The following HIVEP3 variants were observed in gnomAD, a reference collection of about 807,000 sequenced individuals.
The protein encoded by HIVEP3 is transcription factor HIVEP3.
In HIVEP3, 49 loss-of-function variants were observed where a neutral mutation model predicts 152.8. The ratio of observed to expected loss-of-function variants is 0.32; its 90% CI spans 0.26 to 0.41. The LOEUF (loss-of-function observed/expected upper bound fraction) is 0.41, where lower values mean the gene tolerates loss of function less well. Ranked by LOEUF, HIVEP3 falls within the 10% of genes least tolerant of loss-of-function variation. The pLI is 1.00. For synonymous variants in HIVEP3, 1,269 were observed against 1,289.0 expected (o/e 0.98, Z 0.33); for missense variants, 2,790 against 3,103.3 (o/e 0.90, Z 2.40).
chr1:41,947,748 G>A (rs1482818637), intron 1 of HIVEP3, among the ~76,000 whole-genome samples: 1 of 152,210 alleles, frequency 6.6e-6, no homozygotes, highest in Non-Finnish European at 1.5e-5. Flanking sequence ...GCAACCCATG[G>A]CATACCTGAG....
intron 1 of HIVEP3, among the ~76,000 whole-genome samples, chr1:41,999,352 T>C (rs1645414059): frequency 1.3e-5 from 2 of 152,080 alleles, no homozygotes. Flanking sequence ...CAATTAGAAT[T>C]GGAGAAAAGA....
At chr1:41,791,507 G>A (rs548144215) in intron 1 of HIVEP3, among the ~76,000 whole-genome samples, 2 of 152,122 alleles carry the variant, frequency 1.3e-5, no homozygotes, top group Non-Finnish European at 2.9e-5. Flanking sequence ...ATATATAATG[G>A]ATGTGATGGC....
At chr1:41,964,306 C>A (rs1570850391) in intron 1 of HIVEP3, among the ~76,000 whole-genome samples, 1 of 152,334 alleles carries the variant, frequency 6.6e-6, no homozygotes, top group South Asian at 2.1e-4. Flanking sequence ...CTGGGAGCCA[C>A]ACGGGGAAAG....
chr1:41,672,538 A>C (rs960287315), intron 2 of HIVEP3, among the ~76,000 whole-genome samples: 1 of 152,178 alleles, frequency 6.6e-6, no homozygotes, highest in Non-Finnish European at 1.5e-5. Context: ...CTTTCTACAC[A>C]TCACCTTGCT....
chr1:41,770,174 C>T (rs575035041), intron 1 of HIVEP3, among the ~76,000 whole-genome samples: 95 of 152,128 alleles, frequency 6.2e-4, no homozygotes, highest in Non-Finnish European at 1.0e-3. Flanking sequence ...GGGGTTTCAC[C>T]ATGTTAGCCA....
chr1:41,547,725 T>C (rs1176883913), intron 5 of HIVEP3, among the ~76,000 whole-genome samples: 1 of 152,228 alleles, frequency 6.6e-6, no homozygotes, highest in East Asian at 1.9e-4. Context: ...ATTTATAATT[T>C]ACAATAATTG....
At chr1:41,792,011 C>A (rs764261481) in intron 1 of HIVEP3, among the ~76,000 whole-genome samples, 1 of 152,174 alleles carries the variant, frequency 6.6e-6, no homozygotes, top group African/African-American at 2.4e-5. Flanking sequence ...TTTCCAGATG[C>A]ACTCTCTATA....
chr1:41,736,432 C>T (rs977092585), intron 1 of HIVEP3, among the ~76,000 whole-genome samples: 4 of 152,166 alleles, frequency 2.6e-5, no homozygotes, highest in African/African-American at 4.8e-5. Context: ...GACAAGGCTT[C>T]CTGGCTTTGG....
rs139726118 is a variant in HIVEP3 at position 41,587,918 on chromosome 1, G to A, written c.-521-2600C>T. 1.6e-3 allele frequency among the ~76,000 whole-genome samples: 244 copies of A among 152,280 alleles called. 3 individuals are homozygous for A. In the East Asian group the frequency reaches 0.039, roughly 24 times the overall value. ...CACCGGCATGGCCCCAGGGGACATC[G>A]CTGTATCCACGGCAAGAGGGAGTAA... On this transcript the variant is annotated intron_variant, in intron 3 of 8. Coordinates refer to ENST00000372583, the MANE Select transcript of HIVEP3 (RefSeq NM_024503.5).
chr1:41,712,407 T>C (rs1158363671), intron 1 of HIVEP3, among the ~76,000 whole-genome samples: 3 of 152,038 alleles, frequency 2.0e-5, no homozygotes, highest in African/African-American at 7.2e-5. Context: ...GGGTTTCCAG[T>C]CTCCTGGCAG....
chr1:41,864,542 GCACTGGAACATGTGTAAGTAGAC>G (rs963012851), intron 1 of HIVEP3: 9 of 152,244 alleles, frequency 5.9e-5, no homozygotes, highest in Admixed American at 3.3e-4. Flanking sequence ...CCCTAACCGG[GCACTGGAACATGTGTAAGTAGAC>G]CACCTGGCTC....
chr1:41,824,774 TATATATATATAGAGAG>T (rs1642726920), intron 1 of HIVEP3, among the ~76,000 whole-genome samples: 2 of 12,824 alleles, frequency 1.6e-4, no homozygotes, highest in Admixed American at 1.2e-3. Context: ...TATATATATA[TATATATATATAGAGAG>T]AGAGAGAGAG....
intron 1 of HIVEP3, among the ~76,000 whole-genome samples, chr1:41,900,038 G>A (rs1644595330): frequency 6.6e-6 from 1 of 152,128 alleles, no homozygotes; most frequent in Admixed American, 6.5e-5. Flanking sequence ...CAGTGCTTGT[G>A]AGAGTTATTC....
At position 41,575,571 on chromosome 1, in the gene HIVEP3, G is replaced by A. The variant is rs147472354; in HGVS notation, c.5180C>T (p.Pro1727Leu). Residue 1727 changes from proline (P) to leucine (L), a missense_variant, in exon 5 of 9, where the codon CCG becomes CTG. Transcript: ENST00000372583. The part of the protein sequence containing the change: ...EDAPASQRGE[P>L]ARIKIFEGGY... ...TCCTTCGAAGATTTTGATCCTCGCC[G>A]GCTCCCCTCTCTGGGAGGCAGGAGC... 1,306 of 1,613,918 alleles carry A rather than the reference G, an allele frequency of 8.1e-4. 3 individuals are homozygous for A. The highest frequency in any genetic ancestry group is 1.4e-3 in the South Asian group (129 of 91,074).
intron 3 of HIVEP3, among the ~76,000 whole-genome samples, chr1:41,602,093 C>A (rs1369066912): frequency 2.6e-5 from 4 of 151,010 alleles, no homozygotes; most frequent in Non-Finnish European, 5.9e-5. Flanking sequence ...GGGATAAATC[C>A]CACTTGGTCA....
chr1:41,517,266 C>T (rs1418922108), intron 7 of HIVEP3, among the ~76,000 whole-genome samples: 1 of 152,162 alleles, frequency 6.6e-6, no homozygotes, highest in African/African-American at 2.4e-5. Context: ...GCTATTTTTA[C>T]CTGTCTGAGC....
At chr1:41,568,698 T>C (rs867207323) in intron 5 of HIVEP3, among the ~76,000 whole-genome samples, 2 of 152,256 alleles carry the variant, frequency 1.3e-5, no homozygotes, top group Non-Finnish European at 2.9e-5. Context: ...TTGCTAATGA[T>C]GTAAGACAGA....
chr1:41,751,272 T>G (rs561760835), intron 1 of HIVEP3, among the ~76,000 whole-genome samples: 1 of 150,828 alleles, frequency 6.6e-6, no homozygotes, highest in Non-Finnish European at 1.5e-5. Flanking sequence ...AGGCTTTATT[T>G]CCAACTTCTC....
chr1:41,789,935 GACAGGATC>G (rs1207200318), intron 1 of HIVEP3, among the ~76,000 whole-genome samples: 1 of 152,204 alleles, frequency 6.6e-6, no homozygotes. Context: ...CTTGTCATCA[GACAGGATC>G]ACACGTAACA....
Sources: allele counts gnomAD v4.1 joint callset (sites outside exome capture counted in the v4.1 genomes callset), GRCh38; gene constraint gnomAD v4.1.1; transcripts MANE v1.5; gene names NCBI Gene and HGNC (gene_info 2026-07-23, HGNC 2026-07-21).